Variants in ATP8A2 observed in about 807,000 individuals in gnomAD.
ATP8A2 encodes ATPase phospholipid transporting 8A2.
ATP8A2 carries 100 observed loss-of-function variants against 165.6 expected under a neutral mutation model. That is an observed-to-expected ratio of 0.60 (90% CI 0.51 to 0.71). ATP8A2 has a LOEUF of 0.71. Ranked by LOEUF, ATP8A2 falls within the 30% of genes least tolerant of loss-of-function variation. The probability of loss-of-function intolerance (pLI) is 0.00; values close to 1 mark genes in which losing one functional copy is unlikely to be tolerated. For synonymous variants in ATP8A2, 543 were observed against 548.8 expected, an observed-to-expected ratio of 0.99 and a Z score of 0.15; for missense variants, 1,227 against 1,479.5, an observed-to-expected ratio of 0.83 and a Z score of 2.80.
intron 25 of ATP8A2, among the ~76,000 whole-genome samples, chr13:25,747,242 G>C (rs765069449): frequency 6.6e-6 from 1 of 152,130 alleles, no homozygotes; most frequent in Non-Finnish European, 1.5e-5. Flanking sequence ...TAGAGGATTC[G>C]TGCCTGTTAG....
At chr13:25,964,754 G>A (rs915367098) in intron 34 of ATP8A2, among the ~76,000 whole-genome samples, 2 of 152,326 alleles carry the variant, frequency 1.3e-5, no homozygotes, top group South Asian at 2.1e-4. Flanking sequence ...GCAGCATGTG[G>A]TGATGCCGAG....
chr13:25,867,993 A>G lies in ATP8A2; in HGVS notation c.3183+5585A>G, dbSNP rs1010264467. 1.1e-4 allele frequency: 40 copies of G among 373,008 alleles called. No homozygotes were observed. In the Admixed American group the frequency reaches 1.3e-3, roughly 12 times the overall value. The allele number at this position is 373,008 out of a possible 1,614,324, so 23.1% of individuals were successfully genotyped here. On this transcript the variant is annotated intron_variant, in intron 33 of 36. Coordinates refer to ENST00000381655, the MANE Select transcript of ATP8A2 (RefSeq NM_016529.6). ...CTCTATGCAATTGTTGAGACACTGT[A>G]TGAAGCCAGCCTCGAAGCCCATCCC...
At chr13:25,778,243 T>G (rs1173482674) in intron 27 of ATP8A2, among the ~76,000 whole-genome samples, 2 of 152,218 alleles carry the variant, frequency 1.3e-5, no homozygotes, top group African/African-American at 4.8e-5. Context: ...TTGATCTAAT[T>G]AGACCATTTT....
At chr13:25,880,391 A>AG (rs1437948183) in intron 33 of ATP8A2, among the ~76,000 whole-genome samples, 1 of 151,888 alleles carries the variant, frequency 6.6e-6, no homozygotes, top group East Asian at 1.9e-4. Context: ...AAAAAAAAAA[A>AG]AAAAGGAAGA....
intron 1 of ATP8A2, among the ~76,000 whole-genome samples, chr13:25,461,739 T>C (rs2035507148): frequency 6.6e-6 from 1 of 152,180 alleles, no homozygotes; most frequent in Non-Finnish European, 1.5e-5. Flanking sequence ...AATCAGGTTG[T>C]GAATTGCAAA....
chr13:25,688,189 T>G (rs1020968240), intron 24 of ATP8A2, among the ~76,000 whole-genome samples: 7 of 152,190 alleles, frequency 4.6e-5, no homozygotes, highest in Non-Finnish European at 1.0e-4. Context: ...CTGTGCACAT[T>G]ATAGGCCTTT....
intron 27 of ATP8A2, among the ~76,000 whole-genome samples, chr13:25,794,062 A>G (rs1295593518): frequency 6.6e-6 from 1 of 152,098 alleles, no homozygotes; most frequent in African/African-American, 2.4e-5. Context: ...TATTTTTCGT[A>G]CTTGGTTGGT....
chr13:25,921,621 C>CA lies in ATP8A2; in HGVS notation c.3184-39937dup, dbSNP rs11316144. On this transcript the variant is annotated intron_variant, in intron 33 of 36. Transcript: ENST00000381655. ...CTGGCAACAGAGCTAGACTCTGTCTCAAAAAAAAAAAAAAAAAGAAAAAAA... is the reference window on the plus strand; with the variant it reads ...CTGGCAACAGAGCTAGACTCTGTCTCAAAAAAAAAAAAAAAAAAGAAAAAAA... Among the ~76,000 whole-genome samples the CA allele has an allele frequency of 2.3e-3, 270 of 117,670 alleles. 2 individuals carry two copies. Among genetic ancestry groups the CA allele is most frequent in the African/African-American group, 6.4e-3 (199 of 31,296 alleles). 77.2% of individuals were successfully genotyped at this position (117,670 alleles called of 152,430 possible).
intron 1 of ATP8A2, among the ~76,000 whole-genome samples, chr13:25,439,140 C>G (rs6491056): frequency 0.22 from 33,341 of 152,140 alleles, 4,004 homozygotes; most frequent in East Asian, 0.4. Context: ...CCCACAACAT[C>G]CCTGAAGAAA....
chr13:25,461,164 C>T (rs1380114247), intron 1 of ATP8A2, among the ~76,000 whole-genome samples: 2 of 152,166 alleles, frequency 1.3e-5, no homozygotes, highest in Admixed American at 1.3e-4. Context: ...TGTCGCTTTC[C>T]CTTTGTGTTT....
chr13:25,938,643 A>C (rs945892810), intron 33 of ATP8A2, among the ~76,000 whole-genome samples: 6 of 152,204 alleles, frequency 3.9e-5, no homozygotes, highest in African/African-American at 1.4e-4. Flanking sequence ...AGGAGCCTCT[A>C]GGCCCAAGCT....
intron 27 of ATP8A2, among the ~76,000 whole-genome samples, chr13:25,778,516 T>C (rs1460016425): frequency 6.6e-6 from 1 of 152,232 alleles, no homozygotes; most frequent in Non-Finnish European, 1.5e-5. Context: ...AATTTAGTAC[T>C]GTTTTCTGGG....
intron 33 of ATP8A2, among the ~76,000 whole-genome samples, chr13:25,891,226 A>G (rs1953349355): frequency 6.6e-6 from 1 of 152,160 alleles, no homozygotes; most frequent in African/African-American, 2.4e-5. Context: ...ATGTTTCTTT[A>G]GGGCAAAGTT....
intron 1 of ATP8A2, among the ~76,000 whole-genome samples, chr13:25,423,762 T>C (rs752606439): frequency 1.3e-5 from 2 of 152,234 alleles, no homozygotes; most frequent in Non-Finnish European, 2.9e-5. Flanking sequence ...ATGTTTGGCA[T>C]AGATCTTTCC....
Position 25,551,324 on chromosome 13 carries a change from A to G in ATP8A2, c.892-14A>G, listed in dbSNP as rs748764455. The G allele has an allele frequency of 3.2e-5, 51 of 1,608,776 alleles. No individual in the cohort carries two copies. Among genetic ancestry groups the G allele is most frequent in the African/African-American group, 9.4e-5 (7 of 74,850 alleles). On this transcript the variant is annotated splice_polypyrimidine_tract_variant and intron_variant, in intron 10 of 36. Transcript: ENST00000381655. ...GTTCTGTGACCCTTACTGACTTTCA[A>G]TGCTGTTGTGTAGAATTCAACCAAA...
intron 2 of ATP8A2, among the ~76,000 whole-genome samples, chr13:25,520,746 T>A (rs1267987737): frequency 1.3e-5 from 2 of 151,690 alleles, no homozygotes; most frequent in Non-Finnish European, 2.9e-5. Context: ...GGACTACAGG[T>A]GCCCGCCACC....
chr13:25,438,777 C>G (rs1187634792), intron 1 of ATP8A2, among the ~76,000 whole-genome samples: 2 of 152,074 alleles, frequency 1.3e-5, no homozygotes, highest in East Asian at 3.8e-4. Context: ...GTTTTTATTT[C>G]TATGTTACTT....
intron 33 of ATP8A2, among the ~76,000 whole-genome samples, chr13:25,930,769 G>A (rs547108765): frequency 6.6e-6 from 1 of 152,128 alleles, no homozygotes; most frequent in East Asian, 1.9e-4. Flanking sequence ...AAGGCTCAGT[G>A]CCATCTCACT....
At chr13:25,875,727 C>G (rs1952805215) in intron 33 of ATP8A2, among the ~76,000 whole-genome samples, 1 of 152,106 alleles carries the variant, frequency 6.6e-6, no homozygotes, top group African/African-American at 2.4e-5. Flanking sequence ...TAGGTGATGT[C>G]TGTGGCATGA....
Sources: gnomAD v4.1 joint callset for allele counts (sites outside exome capture counted in the v4.1 genomes callset) on GRCh38, gnomAD v4.1.1 for gene constraint, MANE v1.5 for transcripts, NCBI Gene and HGNC (gene_info 2026-07-23, HGNC 2026-07-21) for gene names.